ZYG11B: variants seen among roughly 807,000 people sequenced by gnomAD.
The protein encoded by ZYG11B is protein zyg-11 homolog B.
In ZYG11B, 36 loss-of-function variants were observed where a neutral mutation model predicts 82.4. The ratio of observed to expected loss-of-function variants is 0.44; its 90% CI spans 0.33 to 0.58. The LOEUF (loss-of-function observed/expected upper bound fraction) is 0.58, where lower values mean the gene tolerates loss of function less well. Ranked by LOEUF, ZYG11B falls within the 20% of genes least tolerant of loss-of-function variation. The pLI, the probability that ZYG11B is intolerant of heterozygous loss-of-function variation, is 0.02. For synonymous variants in ZYG11B, 303 were observed against 312.8 expected, an observed-to-expected ratio of 0.97 and a Z score of 0.33; for missense variants, 552 against 895.6, an observed-to-expected ratio of 0.62 and a Z score of 4.90.
At chr1:52,780,116 C>T (rs143286817) in intron 4 of ZYG11B, 123 bp downstream of exon 4, 62 of 912,328 alleles carry the variant, frequency 6.8e-5, no homozygotes, top group Admixed American at 5.2e-4. Context: ...TGATTGATGA[C>T]GTGTGATTTC....
At chr1:52,752,159 CA>C (rs1001303267) in intron 1 of ZYG11B, among the ~76,000 whole-genome samples, 3 of 152,164 alleles carry the variant, frequency 2.0e-5, no homozygotes, top group African/African-American at 7.2e-5. Flanking sequence ...CAACACCTGT[CA>C]GTCTTGGCTA....
rs139483751 is a variant in ZYG11B at position 52,824,317 on chromosome 1, A to C, written c.*2688A>C. The C allele has an allele frequency of 6.6e-6, 1 of 152,014 alleles. No individual in the cohort carries two copies. Among genetic ancestry groups the C allele is most frequent in the Admixed American group, 6.6e-5 (1 of 15,262 alleles). 9.4% of individuals were successfully genotyped at this position (152,014 alleles called of 1,614,324 possible). Reference sequence around the variant, plus strand: ...AGGCTAAATTTCCTACTTTGTAAACATCAGTAGTGGCCAGATACTTCTGAG... The same window carrying C: ...AGGCTAAATTTCCTACTTTGTAAACCTCAGTAGTGGCCAGATACTTCTGAG... On this transcript the variant is annotated 3_prime_UTR_variant, in exon 14 of 14. Coordinates refer to ENST00000294353, the MANE Select transcript of ZYG11B (RefSeq NM_024646.3).
intron 2 of ZYG11B, among the ~76,000 whole-genome samples, chr1:52,766,487 AATT>A (rs1382335840): frequency 6.6e-6 from 1 of 151,764 alleles, no homozygotes; most frequent in Non-Finnish European, 1.5e-5. Flanking sequence ...GTTGTCAAAT[AATT>A]TTAACATTTC....
intron 2 of ZYG11B, among the ~76,000 whole-genome samples, chr1:52,757,775 G>C (rs1644592234): frequency 1.3e-5 from 2 of 152,142 alleles, no homozygotes; most frequent in Admixed American, 1.3e-4. Context: ...TTTGACCTTT[G>C]AGATGGGAAA....
chr1:52,764,035 G>A (rs572326188), intron 2 of ZYG11B, among the ~76,000 whole-genome samples: 2 of 152,126 alleles, frequency 1.3e-5, no homozygotes, highest in East Asian at 3.8e-4. Context: ...ATGCTTTGGG[G>A]CACAATCCTT....
chr1:52,771,378 G>A lies in ZYG11B; in HGVS notation c.555G>A (p.Leu185=), dbSNP rs759744872. 33 of 1,614,036 alleles carry A rather than the reference G, an allele frequency of 2.0e-5. No homozygotes were observed. Among genetic ancestry groups the A allele is most frequent in the Non-Finnish European group, 2.6e-5 (31 of 1,180,056 alleles). Reference sequence around the variant, plus strand: ...AAGACCTGGCTGAAGTTGCCTCATTGCCAAGATTAGAGAGCTTGGATATTT... The same window carrying A: ...AAGACCTGGCTGAAGTTGCCTCATTACCAAGATTAGAGAGCTTGGATATTT... The part of the protein sequence containing the change: ...YNEDLAEVAS[L]PRLESLDISN... Residue 185 remains leucine (L), a synonymous_variant, in exon 3 of 14, where the codon TTG becomes TTA. Transcript: ENST00000294353. The surrounding 1 kb of genome is among the most constrained non-coding windows in gnomAD (Gnocchi z 5.4).
At chr1:52,729,446 G>T (rs1219989212) in intron 1 of ZYG11B, among the ~76,000 whole-genome samples, 1 of 152,202 alleles carries the variant, frequency 6.6e-6, no homozygotes, top group East Asian at 1.9e-4. Context: ...TATGGGAGAG[G>T]TGAGGAGAAG....
chr1:52,780,412 G>C (rs537336595), intron 4 of ZYG11B, among the ~76,000 whole-genome samples: 2 of 152,118 alleles, frequency 1.3e-5, no homozygotes, highest in Non-Finnish European at 2.9e-5. Context: ...CACTTCAGGA[G>C]CTGAGACAGA....
At chr1:52,779,827 A>G (rs1331210602) in intron 3 of ZYG11B, 26 bp from the exon 4 acceptor site, 6 of 1,609,754 alleles carry the variant, frequency 3.7e-6, no homozygotes, top group African/African-American at 1.3e-5. Context: ...AGAGAATTCT[A>G]AAAGCTAATC....
intron 1 of ZYG11B, among the ~76,000 whole-genome samples, chr1:52,748,896 C>A: frequency 8.8e-6 from 1 of 113,374 alleles, no homozygotes; most frequent in Non-Finnish European, 1.8e-5. Context: ...AGTGAGCTTC[C>A]ATCTCAAAAA....
chr1:52,801,231 G>T (rs1282968433), intron 8 of ZYG11B, among the ~76,000 whole-genome samples: 2 of 151,904 alleles, frequency 1.3e-5, no homozygotes, highest in East Asian at 1.9e-4. Context: ...GGAGGGAGGG[G>T]CTATTATCTT....
intron 2 of ZYG11B, 58 bp downstream of exon 2, chr1:52,756,681 A>G (rs1235639480): frequency 6.5e-7 from 1 of 1,541,810 alleles, no homozygotes; most frequent in African/African-American, 1.4e-5. Flanking sequence ...TTTGATTTTG[A>G]AGTGCTACAG....
intron 6 of ZYG11B, among the ~76,000 whole-genome samples, chr1:52,795,249 G>C (rs1333371057): frequency 6.6e-6 from 1 of 152,062 alleles, no homozygotes; most frequent in Non-Finnish European, 1.5e-5. Context: ...AGCACCTCCG[G>C]CTTTGCCCTT....
intron 10 of ZYG11B, among the ~76,000 whole-genome samples, chr1:52,813,060 A>G (rs1246401735): frequency 1.3e-5 from 2 of 152,174 alleles, no homozygotes; most frequent in Non-Finnish European, 2.9e-5. Context: ...TAGCCCTACT[A>G]CTATCAAATA....
intron 10 of ZYG11B, among the ~76,000 whole-genome samples, chr1:52,810,131 C>T (rs1448390931): frequency 6.6e-6 from 1 of 152,056 alleles, no homozygotes; most frequent in Non-Finnish European, 1.5e-5. Flanking sequence ...TAGGAGGTTC[C>T]AGAGCAGTGG....
intron 5 of ZYG11B, 51 bp downstream of exon 5, chr1:52,785,104 C>T (rs1305863456): frequency 6.4e-7 from 1 of 1,560,752 alleles, no homozygotes; most frequent in Non-Finnish European, 8.7e-7. Context: ...GTCTTCTACT[C>T]ATCTCCTACA....
rs183194777 is a variant in ZYG11B at position 52,825,474 on chromosome 1, G to A, written c.*3845G>A. ...CCTTAAGTAGATTACACATGGTTGA[G>A]GTGAATAAAGCTGCATGGGAATTTG... On this transcript the variant is annotated 3_prime_UTR_variant, in exon 14 of 14. Coordinates refer to ENST00000294353, the MANE Select transcript of ZYG11B (RefSeq NM_024646.3). The A allele has an allele frequency of 2.6e-5, 4 of 152,116 alleles. No homozygotes were observed. Among genetic ancestry groups the A allele is most frequent in the Admixed American group, 1.3e-4 (2 of 15,242 alleles). 9.4% of individuals were successfully genotyped at this position (152,116 alleles called of 1,614,324 possible). A position where few individuals can be genotyped will look rare whatever the true frequency, so the allele number is the denominator to read the frequency against.
chr1:52,805,767 T>C (rs1645137030), intron 10 of ZYG11B, among the ~76,000 whole-genome samples: 1 of 152,110 alleles, frequency 6.6e-6, no homozygotes, highest in South Asian at 2.1e-4. Context: ...AGGCAGAGGC[T>C]GCAGTGAACC....
chr1:52,759,553 G>A (rs541745353), intron 2 of ZYG11B, among the ~76,000 whole-genome samples: 1 of 152,254 alleles, frequency 6.6e-6, no homozygotes, highest in East Asian at 1.9e-4. Context: ...AGGAAACTGA[G>A]GGTCAGAAAA....
Sources: gnomAD v4.1 joint callset for allele counts (sites outside exome capture counted in the v4.1 genomes callset) on GRCh38, gnomAD v4.1.1 for gene constraint, Gnocchi (gnomAD v3.1) non-coding constraint, MANE v1.5 for transcripts, NCBI Gene and HGNC (gene_info 2026-07-23, HGNC 2026-07-21) for gene names.